CAPN15: variants seen among roughly 807,000 people sequenced by gnomAD.
CAPN15 encodes the protein calpain-15.
CAPN15 carries 53 observed loss-of-function variants against 97.9 expected under a neutral mutation model. That is an observed-to-expected ratio of 0.54 (90% CI 0.43 to 0.68). The LOEUF is 0.68. CAPN15 is among the 30% of genes least tolerant of loss of function. CAPN15 has a pLI of 0.00. For synonymous variants in CAPN15, 922 were observed against 722.5 expected, an observed-to-expected ratio of 1.28 and a Z score of -4.43; for missense variants, 1,592 against 1,589.8, an observed-to-expected ratio of 1.00 and a Z score of -0.02.
intron 7 of CAPN15, 31 bp from the exon 8 acceptor site, chr16:551,271 C>A: frequency 6.5e-7 from 1 of 1,549,704 alleles, no homozygotes. Flanking sequence ...CGGTGAGGGT[C>A]CCGGTCGGTG....
intron 3 of CAPN15, chr16:540,165 C>T (rs2034014620): frequency 1.0e-6 from 1 of 985,528 alleles, no homozygotes; most frequent in Non-Finnish European, 1.2e-6. Context: ...GTCCGGCTCT[C>T]AGCACGGCCG....
chr16:531,955 C>T (rs578031317), intron 1 of CAPN15, among the ~76,000 whole-genome samples: 18 of 152,234 alleles, frequency 1.2e-4, no homozygotes, highest in African/African-American at 3.9e-4. Context: ...AAATAGAAGT[C>T]GGGGCTGGGT....
chr16:535,980 C>T lies in CAPN15; in HGVS notation c.-136-49C>T. On this transcript the variant is annotated intron_variant, in intron 2 of 13. Coordinates refer to ENST00000219611, the MANE Select transcript of CAPN15 (RefSeq NM_005632.3). This position sits in a 1 kb window ranked among gnomAD's most constrained non-coding sequence, Gnocchi z 6.2. ...TCCCTCGGCCTGGCCTGGGCACACT[C>T]CTTGGTGACAGTGCCCCTGCACGCC... 1 of 599,744 alleles carries T rather than the reference C, an allele frequency of 1.7e-6. No homozygotes were observed. 37.2% of individuals were successfully genotyped at this position (599,744 alleles called of 1,614,324 possible).
At position 553,638 on chromosome 16, in the gene CAPN15, C is replaced by T; in HGVS notation, c.*122C>T. 1.6e-6 allele frequency: 1 copy of T among 614,616 alleles called. No homozygotes were observed. The highest frequency in any genetic ancestry group is 2.6e-6 in the Non-Finnish European group (1 of 378,094). The allele number at this position is 614,616 out of a possible 1,614,324, so 38.1% of individuals were successfully genotyped here. A position where few individuals can be genotyped will look rare whatever the true frequency, so the allele number is the denominator to read the frequency against. ...TCTCAGGACCCCGCCCAGGGAGCTG[C>T]CAGCCCAGGGCTCAGCTTCCCATGG... On this transcript the variant is annotated 3_prime_UTR_variant, in exon 14 of 14. Transcript: ENST00000219611.
chr16:532,302 C>T (rs900522167), intron 1 of CAPN15, among the ~76,000 whole-genome samples: 3 of 151,346 alleles, frequency 2.0e-5, no homozygotes, highest in South Asian at 4.2e-4. Context: ...GCGTGTAATC[C>T]TAGCACTTTG....
intron 1 of CAPN15, among the ~76,000 whole-genome samples, chr16:532,386 C>T (rs746291034): frequency 6.7e-6 from 1 of 150,326 alleles, no homozygotes; most frequent in East Asian, 1.9e-4. Context: ...AAACCCCCAT[C>T]TCTACTAAAA....
At position 547,723 on chromosome 16, in the gene CAPN15, G is replaced by A. The variant is rs780248362; in HGVS notation, c.885G>A (p.Leu295=). Reference sequence around the variant, plus strand: ...CAGAGTTGCTGTCTGGCAAGCGGCTGAGTGTGCTGGAGGAAGAGGCCACGG... The same window carrying A: ...CAGAGTTGCTGTCTGGCAAGCGGCTAAGTGTGCTGGAGGAAGAGGCCACGG... ...RLAELLSGKR[L]SVLEEEATEG... is the part of the protein sequence containing the mutation. The change falls in exon 4 of 14, where the codon CTG becomes CTA. Residue 295 remains leucine, a synonymous_variant. Coordinates refer to ENST00000219611, the MANE Select transcript of CAPN15 (RefSeq NM_005632.3). 7 of 1,602,032 alleles carry A rather than the reference G, an allele frequency of 4.4e-6. No homozygotes were observed. In the East Asian group the frequency reaches 1.3e-4, roughly 31 times the overall value.
At chr16:532,725 C>A (rs1024583292) in intron 1 of CAPN15, among the ~76,000 whole-genome samples, 1 of 151,218 alleles carries the variant, frequency 6.6e-6, no homozygotes, top group Non-Finnish European at 1.5e-5. Flanking sequence ...TGGTGGCAGG[C>A]GCCTGTAGTC....
Position 551,424 on chromosome 16 carries a change from C to T in CAPN15, c.2189C>T (p.Thr730Ile), listed in dbSNP as rs781378615. The T allele has an allele frequency of 6.2e-7, 1 of 1,605,628 alleles. No individual in the cohort carries two copies. ...SILDVRDVQG[T>I]RLLRLRNPWG... ...CTGGATGTCCGAGATGTCCAGGGCA[C>T]CAGGTAGGGCCGGCCTGGCTGAGGG... Residue 730 changes from threonine (T) to isoleucine (I), a missense_variant, in exon 8 of 14, where the codon ACC (threonine) becomes ATC (isoleucine). By Grantham distance (89) the Thr-to-Ile change is moderately conservative. Coordinates refer to ENST00000219611, the MANE Select transcript of CAPN15 (RefSeq NM_005632.3).
intron 2 of CAPN15, among the ~76,000 whole-genome samples, chr16:534,204 G>T (rs557224262): frequency 6.6e-6 from 1 of 152,268 alleles, no homozygotes; most frequent in African/African-American, 2.4e-5. Flanking sequence ...CGTGGGAGGC[G>T]ACGGTGAGGG....
intron 3 of CAPN15, among the ~76,000 whole-genome samples, chr16:546,233 A>G (rs116589789): frequency 0.041 from 6,196 of 152,320 alleles, 236 homozygotes; most frequent in African/African-American, 0.098. Flanking sequence ...ATGAAGAGGC[A>G]GGTTTTCTTT....
intron 2 of CAPN15, among the ~76,000 whole-genome samples, chr16:534,476 G>C (rs185594231): frequency 6.6e-6 from 1 of 152,174 alleles, no homozygotes; most frequent in African/African-American, 2.4e-5. Flanking sequence ...CCCCCAGGGC[G>C]GGGCCCTGGC....
rs1466270072 is a variant in CAPN15 at position 554,344 on chromosome 16, T to A, written c.*828T>A. 2 of 370,640 alleles carry A rather than the reference T, an allele frequency of 5.4e-6. No homozygotes were observed. The highest frequency in any genetic ancestry group is 4.3e-5 in the African/African-American group (2 of 47,008). 23.0% of individuals were successfully genotyped at this position (370,640 alleles called of 1,614,324 possible). A position where few individuals can be genotyped will look rare whatever the true frequency, so the allele number is the denominator to read the frequency against. On this transcript the variant is annotated 3_prime_UTR_variant, in exon 14 of 14. Coordinates refer to ENST00000219611, the MANE Select transcript of CAPN15 (RefSeq NM_005632.3). Reference sequence around the variant, plus strand: ...GTGTGTGGACGTCTGAGCCCAGCTTTCTGCGTGCCCTCCTGGCCCCTCACT... The same window carrying A: ...GTGTGTGGACGTCTGAGCCCAGCTTACTGCGTGCCCTCCTGGCCCCTCACT...
At position 547,380 on chromosome 16, in the gene CAPN15, C is replaced by A; in HGVS notation, c.542C>A (p.Ala181Asp). The change falls in exon 4 of 14, where the codon GCC (alanine) becomes GAC (aspartate). Residue 181 changes from alanine to aspartate, a missense_variant. Coordinates refer to ENST00000219611, the MANE Select transcript of CAPN15 (RefSeq NM_005632.3). ...TCGCTGCCACGGATCCCTCCTGAGG[C>A]CCTGGTGGTCCCGGAAGTGGTGGCC... The part of the protein sequence containing the change: ...RLSLPRIPPE[A>D]LVVPEVVAPA... 1 of 1,557,518 alleles carries A rather than the reference C, an allele frequency of 6.4e-7. No homozygotes were observed. The highest frequency in any genetic ancestry group is 2.4e-5 in the East Asian group (1 of 42,220).
chr16:547,275 G>A lies in CAPN15; in HGVS notation c.437G>A (p.Gly146Asp), dbSNP rs1363981148. The A allele has an allele frequency of 9.9e-6, 15 of 1,510,628 alleles. No individual in the cohort carries two copies. The highest frequency in any genetic ancestry group is 1.2e-5 in the Non-Finnish European group (14 of 1,134,170). The allele number at this position is 1,510,628 out of a possible 1,614,324, so 93.6% of individuals were successfully genotyped here. ...GAGGGAGCGGCGGAGCCCAGAGGGG[G>A]CTGGGCGTGTCCGCGTTGCACGCTG... is the stretch of plus-strand genomic sequence containing the variant. The part of the protein sequence containing the change: ...EEEGAAEPRG[G>D]WACPRCTLHN... The change falls in exon 4 of 14, where the codon GGC becomes GAC. Residue 146 changes from glycine to aspartate, a missense_variant. Around this residue, in one of 3 missense-constraint regions of CAPN15, gnomAD observed 883 missense variants for 776.6 expected, o/e 1.14. Coordinates refer to ENST00000219611, the MANE Select transcript of CAPN15 (RefSeq NM_005632.3).
intron 4 of CAPN15, 81 bp downstream of exon 4, chr16:548,368 T>TGG: frequency 3.7e-6 from 5 of 1,347,342 alleles, no homozygotes; most frequent in Non-Finnish European, 4.9e-6. Context: ...GCTCTGGCGA[T>TGG]GGGCTGGGGA....
rs752331855 is a variant in CAPN15, at chr16:547,474, C to T, written c.636C>T (p.Asn212=). Residue 212 remains asparagine, a synonymous_variant, in exon 4 of 14, where the codon AAC becomes AAT. Transcript: ENST00000219611. ...PGLPGEGAEA[N]PPATSQGPAA... ...TCCCCGGGGAAGGTGCCGAGGCCAA[C>T]CCCCCAGCCACCAGCCAGGGCCCAG... is the stretch of plus-strand genomic sequence containing the variant. The T allele has an allele frequency of 1.3e-6, 2 of 1,595,290 alleles. No homozygotes were observed. Among genetic ancestry groups the T allele is most frequent in the Non-Finnish European group, 1.7e-6 (2 of 1,177,770 alleles).
In CAPN15 at chr16:547,443, C is replaced by G. The variant is rs776580343; in HGVS notation, c.605C>G (p.Pro202Arg). ...GFHVVPAAPP[P>R]GLPGEGAEAN... ...CACGTCGTGCCTGCCGCGCCTCCAC[C>G]TGGCCTCCCCGGGGAAGGTGCCGAG... The change falls in exon 4 of 14, where the codon CCT (proline) becomes CGT (arginine). Residue 202 changes from proline to arginine, a missense_variant. Coordinates refer to ENST00000219611, the MANE Select transcript of CAPN15 (RefSeq NM_005632.3). 6.3e-7 allele frequency: 1 copy of G among 1,587,814 alleles called. No individual in the cohort carries two copies. Among genetic ancestry groups the G allele is most frequent in the East Asian group, 2.3e-5 (1 of 44,112 alleles).
intron 4 of CAPN15, among the ~76,000 whole-genome samples, chr16:548,761 CT>C (rs1286390618): frequency 6.6e-6 from 1 of 152,256 alleles, no homozygotes; most frequent in African/African-American, 2.4e-5. Context: ...CGCTGTCCCC[CT>C]GGGCCCACAC....
Sources: allele counts gnomAD v4.1 joint callset (sites outside exome capture counted in the v4.1 genomes callset), GRCh38; gene constraint gnomAD v4.1.1; regional missense constraint gnomAD v4.1.1; non-coding constraint Gnocchi (gnomAD v3.1); transcripts MANE v1.5; gene names NCBI Gene and HGNC (gene_info 2026-07-23, HGNC 2026-07-21).